LONRF1: variants seen among roughly 807,000 people sequenced by gnomAD.
LONRF1 encodes LON peptidase N-terminal domain and RING finger protein 1.
LONRF1 carries 37 observed loss-of-function variants against 85.8 expected under a neutral mutation model. The observed-to-expected ratio is 0.43, with a 90% CI of 0.33 to 0.57. The LOEUF is 0.57. Among genes scored for constraint, LONRF1 ranks in the 20% least tolerant of loss-of-function variants. LONRF1 has a pLI of 0.04. For missense variants in LONRF1, 1,036 were observed against 978.0 expected (o/e 1.06, Z -0.79); for synonymous variants, 517 against 390.1 (o/e 1.33, Z -3.83).
At chr8:12,735,236 C>A in intron 7 of LONRF1, 50 bp downstream of exon 7, 1 of 1,222,472 alleles carries the variant, frequency 8.2e-7, no homozygotes, top group Non-Finnish European at 1.2e-6. Context: ...GAAATTAAAC[C>A]ATGCTGCCAA....
chr8:12,729,434 A>C lies in LONRF1; in HGVS notation c.1689-102T>G, dbSNP rs1798444152. 5 of 1,152,316 alleles carry C rather than the reference A, an allele frequency of 4.3e-6. No homozygotes were observed. The East Asian group carries it at 1.3e-4, about 29-fold the overall frequency. 71.4% of individuals were successfully genotyped at this position (1,152,316 alleles called of 1,614,324 possible). On this transcript the variant is annotated intron_variant, in intron 8 of 11. Coordinates refer to ENST00000398246, the MANE Select transcript of LONRF1 (RefSeq NM_152271.5). The stretch of plus-strand genomic sequence containing the variant: ...TTTATAACAGTAATGAACTAATGTA[A>C]AGCAAAAAAAGAATTAGTTCTAAAT...
Position 12,723,299 on chromosome 8 carries a change from A to G in LONRF1, c.2164-45T>C, listed in dbSNP as rs185707270. The G allele has an allele frequency of 4.5e-5, 70 of 1,548,840 alleles. No homozygotes were observed. In the East Asian group the frequency reaches 9.5e-4, roughly 21 times the overall value. Reference sequence around the variant, plus strand: ...TATAGCATTAATAAAACAAGGATTTATGTAACAACAGTAGCAAACCACCAA... The same window carrying G: ...TATAGCATTAATAAAACAAGGATTTGTGTAACAACAGTAGCAAACCACCAA... On this transcript the variant is annotated intron_variant, in intron 11 of 11. Transcript: ENST00000398246.
chr8:12,747,714 G>C (rs1014088248), intron 1 of LONRF1, among the ~76,000 whole-genome samples: 1 of 151,500 alleles, frequency 6.6e-6, no homozygotes, highest in Non-Finnish European at 1.5e-5. Context: ...AAACAGAGAG[G>C]GCTGTCTTAT....
chr8:12,754,795 C>T lies in LONRF1; in HGVS notation c.626G>A (p.Arg209His), dbSNP rs1240338805. ...HLAEKWFPGQ[R>H]ERARAAGRLG... ...CCTGCCGGCCGCCCGGGCCCGCTCG[C>T]GCTGGCCCGGAAACCACTTCTCGGC... Residue 209 changes from arginine (R) to histidine (H), a missense_variant, in exon 1 of 12, where the codon CGC (arginine) becomes CAC (histidine). This residue lies in a region of LONRF1 where 742 missense variants were observed against 614.4 expected (regional missense o/e 1.21). Transcript: ENST00000398246. 5 of 1,486,542 alleles carry T rather than the reference C, an allele frequency of 3.4e-6. No individual in the cohort carries two copies. The highest frequency in any genetic ancestry group is 2.9e-5 in the East Asian group (1 of 34,568). The allele number at this position is 1,486,542 out of a possible 1,614,324, so 92.1% of individuals were successfully genotyped here.
intron 1 of LONRF1, chr8:12,753,863 G>C (rs899773932): frequency 2.0e-5 from 3 of 152,310 alleles, no homozygotes; most frequent in African/African-American, 7.2e-5. Context: ...GGAAAGGCCA[G>C]GAGAAGCGTG....
At chr8:12,737,391 C>G in intron 4 of LONRF1, 1 of 651,242 alleles carries the variant, frequency 1.5e-6, no homozygotes, top group East Asian at 3.0e-5. Context: ...AAAAAAAAGC[C>G]TGAACATATA....
intron 1 of LONRF1, among the ~76,000 whole-genome samples, chr8:12,743,654 A>G (rs1428972509): frequency 2.0e-5 from 3 of 152,090 alleles, no homozygotes. Context: ...TAAATCTTAT[A>G]TTTTTACCCT....
chr8:12,727,361 A>T (rs1798352039), intron 10 of LONRF1: 1 of 151,132 alleles, frequency 6.6e-6, no homozygotes, highest in Non-Finnish European at 1.5e-5. Context: ...CAGAACTTAA[A>T]ATTTCATTAG....
At chr8:12,749,011 C>T (rs1799274862) in intron 1 of LONRF1, among the ~76,000 whole-genome samples, 1 of 152,112 alleles carries the variant, frequency 6.6e-6, no homozygotes, top group Non-Finnish European at 1.5e-5. Flanking sequence ...TCTTTGAACT[C>T]TCCTGACCTA....
intron 6 of LONRF1, 124 bp from the exon 7 acceptor site, chr8:12,735,524 G>A (rs1299639307): frequency 7.6e-6 from 5 of 655,360 alleles, no homozygotes; most frequent in Non-Finnish European, 1.4e-5. Context: ...CAGCAGGCAG[G>A]AGAGGAGAGA....
chr8:12,755,255 C>G lies in LONRF1; in HGVS notation c.166G>C (p.Glu56Gln), dbSNP rs1379270381. ...AGGTGGCCGCCCAGCGCCAGCAGCT[C>G]CCCGCGGCGGAGCAGCAGCTCCCAG... ...ERWELLLRRG[E>Q]LLALGGHLKG... The change falls in exon 1 of 12, where the codon GAG becomes CAG. Residue 56 changes from glutamate to glutamine, a missense_variant. This residue lies in a region of LONRF1 where 742 missense variants were observed against 614.4 expected (regional missense o/e 1.21). Transcript: ENST00000398246. 9.7e-6 allele frequency: 12 copies of G among 1,234,620 alleles called. No homozygotes were observed. The highest frequency in any genetic ancestry group is 1.1e-5 in the Non-Finnish European group (11 of 991,396). 76.5% of individuals were successfully genotyped at this position (1,234,620 alleles called of 1,614,324 possible).
At chr8:12,732,874 G>A (rs1289600729) in intron 7 of LONRF1, among the ~76,000 whole-genome samples, 1 of 152,144 alleles carries the variant, frequency 6.6e-6, no homozygotes, top group Non-Finnish European at 1.5e-5. Flanking sequence ...AAATTAGTGA[G>A]GAAAACCTCC....
chr8:12,740,864 A>G lies in LONRF1; in HGVS notation c.963+10T>C. 1 of 1,612,816 alleles carries G rather than the reference A, an allele frequency of 6.2e-7. No individual in the cohort carries two copies. Among genetic ancestry groups the G allele is most frequent in the Non-Finnish European group, 8.5e-7 (1 of 1,179,280 alleles). Reference sequence around the variant, plus strand: ...CTACCATGAACTGTAATTGTTGGTAAACTGATTACCTTTTGTACTTGCAGC... The same window carrying G: ...CTACCATGAACTGTAATTGTTGGTAGACTGATTACCTTTTGTACTTGCAGC... On this transcript the variant is annotated intron_variant, in intron 3 of 11. Transcript: ENST00000398246.
chr8:12,723,014 C>A lies in LONRF1; in HGVS notation c.*82G>T. On this transcript the variant is annotated 3_prime_UTR_variant, in exon 12 of 12. Transcript: ENST00000398246. ...TTTCATTAAATTTCTGAAACCAGCA[C>A]TAGATGTGCAAAGGCAGCAGACAAT... 7.6e-7 allele frequency: 1 copy of A among 1,311,446 alleles called. No homozygotes were observed. The highest frequency in any genetic ancestry group is 1.0e-6 in the Non-Finnish European group (1 of 963,008). The allele number at this position is 1,311,446 out of a possible 1,614,324, so 81.2% of individuals were successfully genotyped here.
At chr8:12,729,365 A>G (rs748741563) in intron 8 of LONRF1, 33 bp from the exon 9 acceptor site, 1 of 1,601,576 alleles carries the variant, frequency 6.2e-7, no homozygotes, top group South Asian at 1.1e-5. Flanking sequence ...ATTAGAATTC[A>G]TACAAGAAAA....
At position 12,725,803 on chromosome 8, in the gene LONRF1, T is replaced by C. The variant is rs1187042429; in HGVS notation, c.2087A>G (p.Gln696Arg). ...GCTTCGAAATCTGTCTCTTAAATTC[T>C]GAAACCAGCTGCAGGCTTGAGAGTA... ...LVYSQACSWF[Q>R]NLRDRFRSQI... Residue 696 changes from glutamine to arginine, a missense_variant, in exon 11 of 12, where the codon CAG becomes CGG. Gln to Arg is a conservative substitution (Grantham distance 43). This residue lies in a region of LONRF1 where 265 missense variants were observed against 301.5 expected (regional missense o/e 0.88). Coordinates refer to ENST00000398246, the MANE Select transcript of LONRF1 (RefSeq NM_152271.5). 2.5e-6 allele frequency: 4 copies of C among 1,613,740 alleles called. No homozygotes were observed. Among genetic ancestry groups the C allele is most frequent in the Non-Finnish European group, 3.4e-6 (4 of 1,179,796 alleles).
intron 3 of LONRF1, 104 bp from the exon 4 acceptor site, chr8:12,738,248 A>G (rs1035652487): frequency 2.5e-6 from 2 of 791,544 alleles, no homozygotes; most frequent in South Asian, 2.4e-5. Context: ...TTTGTAGCAG[A>G]CATTTTTTTA....
intron 1 of LONRF1, among the ~76,000 whole-genome samples, chr8:12,751,046 T>C (rs569646336): frequency 6.6e-6 from 1 of 152,066 alleles, no homozygotes; most frequent in African/African-American, 2.4e-5. Context: ...AAAACACAGA[T>C]AGGTTAGGCA....
intron 1 of LONRF1, among the ~76,000 whole-genome samples, chr8:12,749,092 AAC>A (rs1455930038): frequency 3.9e-5 from 6 of 152,252 alleles, no homozygotes; most frequent in Non-Finnish European, 8.8e-5. Context: ...ATGCATGTTA[AAC>A]AGTTAACACC....
Sources: allele counts gnomAD v4.1 joint callset (sites outside exome capture counted in the v4.1 genomes callset), GRCh38; gene constraint gnomAD v4.1.1; regional missense constraint gnomAD v4.1.1; transcripts MANE v1.5; gene names NCBI Gene and HGNC (gene_info 2026-07-23, HGNC 2026-07-21).